SBNO1: variants seen among roughly 807,000 people sequenced by gnomAD.
SBNO1 encodes protein strawberry notch homolog 1.
Under a neutral mutation model 173.6 loss-of-function variants are expected in SBNO1, and 23 were observed. The observed-to-expected ratio is 0.13, with a 90% confidence interval of 0.10 to 0.19. The LOEUF (loss-of-function observed/expected upper bound fraction) is 0.19. Ranked by LOEUF, SBNO1 falls within the 10% of genes least tolerant of loss-of-function variation. The pLI, the probability that SBNO1 is intolerant of heterozygous loss-of-function variation, is 1.00. For synonymous variants in SBNO1, 632 were observed against 571.5 expected (o/e 1.11, Z -1.51); for missense variants, 1,238 against 1,671.2 (o/e 0.74, Z 4.52).
intron 1 of SBNO1, among the ~76,000 whole-genome samples, 155 bp from the exon 2 acceptor site, chr12:123,350,596 A>G (rs1350429084): frequency 1.3e-5 from 2 of 152,244 alleles, no homozygotes; most frequent in African/African-American, 4.8e-5. Flanking sequence ...GATAAAAGAG[A>G]AATAGTCTTG....
chr12:123,363,814 A>T (rs1040369242), intron 1 of SBNO1: 1 of 973,762 alleles, frequency 1.0e-6, no homozygotes, highest in African/African-American at 1.8e-5. Flanking sequence ...GCAAACATTA[A>T]CCAAACAGAA....
In SBNO1 at chr12:123,364,571, G is replaced by A. The variant is rs904145620; in HGVS notation, c.-1+130C>T. 1.1e-4 allele frequency: 109 copies of A among 983,942 alleles called. No homozygotes were observed. The Middle Eastern group carries it at 3.1e-3, about 28-fold the overall frequency. 61.0% of individuals were successfully genotyped at this position (983,942 alleles called of 1,614,324 possible). The stretch of plus-strand genomic sequence containing the variant: ...GGCCGCGAGGAGCGGCAAGCGGCGA[G>A]GGAGGCCCCAAGCCGGGGCGAGGTG... On this transcript the variant is annotated intron_variant, in intron 1 of 31. Coordinates refer to ENST00000602398, the MANE Select transcript of SBNO1 (RefSeq NM_001167856.3).
Position 123,328,028 on chromosome 12 carries a change from CT to C in SBNO1, c.1297-2del. 6.2e-7 allele frequency: 1 copy of C among 1,604,766 alleles called. No homozygotes were observed. Among genetic ancestry groups the C allele is most frequent in the Non-Finnish European group, 8.5e-7 (1 of 1,174,370 alleles). On this transcript the variant is annotated splice_acceptor_variant, in intron 10 of 31. Coordinates refer to ENST00000602398, the MANE Select transcript of SBNO1 (RefSeq NM_001167856.3). LOFTEE classifies it high-confidence loss of function. ...CTTTATGACACTCATCAAACACTAT[CT>C]AAATGGAATGAGTTAAGGAATGTAT...
At chr12:123,306,795 C>T (rs949659979) in intron 28 of SBNO1, among the ~76,000 whole-genome samples, 1 of 137,962 alleles carries the variant, frequency 7.2e-6, no homozygotes, top group Admixed American at 7.4e-5. Context: ...AAAATATTAC[C>T]ACTGGGGTAA....
At position 123,323,683 on chromosome 12, in the gene SBNO1, T is replaced by C; in HGVS notation, c.2122A>G (p.Lys708Glu). ...PCKENKIKKR[K>E]GEEITREAKK... Reference sequence around the variant, plus strand: ...TTTTCTTTTTTAAAGTGCTCACCTTTCCGCTTCTTTATTTTATTTTCTTTA... The same window carrying C: ...TTTTCTTTTTTAAAGTGCTCACCTTCCCGCTTCTTTATTTTATTTTCTTTA... Residue 708 changes from lysine (K) to glutamate (E), a missense_variant, in exon 16 of 32, where the codon AAA (lysine) becomes GAA (glutamate). By Grantham distance (56) the Lys-to-Glu change is moderately conservative (BLOSUM62 1). This residue lies in a region of SBNO1 where 81 missense variants were observed against 82.6 expected (regional missense o/e 0.98). Transcript: ENST00000602398. 1 of 1,603,250 alleles carries C rather than the reference T, an allele frequency of 6.2e-7. No individual in the cohort carries two copies. Among genetic ancestry groups the C allele is most frequent in the Non-Finnish European group, 8.5e-7 (1 of 1,176,646 alleles).
At position 123,327,595 on chromosome 12, in the gene SBNO1, AC is replaced by A. The variant is rs1384855846; in HGVS notation, c.1539-17del. 1 of 1,610,656 alleles carries A rather than the reference AC, an allele frequency of 6.2e-7. No homozygotes were observed. ...ACCAACTCCTCTGAATAAAATTAAA[AC>A]ATACAGTAATTACCAATACAGTAGA... On this transcript the variant is annotated splice_polypyrimidine_tract_variant and intron_variant, in intron 12 of 31. Transcript: ENST00000602398.
intron 24 of SBNO1, among the ~76,000 whole-genome samples, chr12:123,313,153 G>A (rs1868804967): frequency 6.6e-6 from 1 of 151,178 alleles, no homozygotes; most frequent in Non-Finnish European, 1.5e-5. Flanking sequence ...AGTGAGCCGA[G>A]ATCATGCCAC....
At position 123,323,741 on chromosome 12, in the gene SBNO1, T is replaced by C; in HGVS notation, c.2064A>G (p.Pro688=). Residue 688 remains proline, a synonymous_variant, in exon 16 of 32, where the codon CCA becomes CCG. Coordinates refer to ENST00000602398, the MANE Select transcript of SBNO1 (RefSeq NM_001167856.3). ...TATCTCTTGGCGAACTGTTGTTACT[T>C]GGAGCTGTCAAATCGATTCCTAGTA... ...YSLLGIDLTA[P]SNNSSPRDSP... is the part of the protein sequence containing the mutation. 1.2e-6 allele frequency: 2 copies of C among 1,613,012 alleles called. No individual in the cohort carries two copies. Among genetic ancestry groups the C allele is most frequent in the Non-Finnish European group, 1.7e-6 (2 of 1,179,566 alleles).
At chr12:123,317,117 C>A (rs1016880719) in intron 21 of SBNO1, 104 bp downstream of exon 21, 1 of 1,184,480 alleles carries the variant, frequency 8.4e-7, no homozygotes, top group Non-Finnish European at 1.2e-6. Flanking sequence ...GAATTACAGG[C>A]GTGAGCCTCT....
chr12:123,350,466 A>T, intron 1 of SBNO1, 25 bp from the exon 2 acceptor site: 1 of 1,549,944 alleles, frequency 6.5e-7, no homozygotes, highest in Non-Finnish European at 8.9e-7. Context: ...ATTAAATATT[A>T]ACATAAAAAA....
rs769087095 is a variant in SBNO1 at position 123,348,079 on chromosome 12, C to T, written c.187G>A (p.Val63Ile). 7 of 1,612,050 alleles carry T rather than the reference C, an allele frequency of 4.3e-6. No homozygotes were observed. Among genetic ancestry groups the T allele is most frequent in the Non-Finnish European group, 5.9e-6 (7 of 1,178,514 alleles). ...LGLETEAAVPVKQEPETVPTP... is the reference protein window; with the variant it reads ...LGLETEAAVPIKQEPETVPTP... Reference sequence around the variant, plus strand: ...GGTACAGTCTCTGGTTCTTGTTTAACAGGAACTGCTGCTTCGGTCTCCAAA... The same window carrying T: ...GGTACAGTCTCTGGTTCTTGTTTAATAGGAACTGCTGCTTCGGTCTCCAAA... The change falls in exon 3 of 32, where the codon GTT becomes ATT. Residue 63 changes from valine (V) to isoleucine (I), a missense_variant. Around this residue, in one of 14 missense-constraint regions of SBNO1, gnomAD observed 287 missense variants for 274.1 expected, o/e 1.05. Coordinates refer to ENST00000602398, the MANE Select transcript of SBNO1 (RefSeq NM_001167856.3).
intron 2 of SBNO1, among the ~76,000 whole-genome samples, 200 bp from the exon 3 acceptor site, chr12:123,348,333 A>G (rs772003804): frequency 2.6e-5 from 4 of 152,216 alleles, no homozygotes; most frequent in Non-Finnish European, 5.9e-5. Context: ...TTTTTAAAAC[A>G]TTTTTGTAGG....
At chr12:123,312,783 A>G (rs2138932625) in intron 24 of SBNO1, among the ~76,000 whole-genome samples, 1 of 152,098 alleles carries the variant, frequency 6.6e-6, no homozygotes, top group African/African-American at 2.4e-5. Context: ...TGTATCCATC[A>G]CCCAGTTTAA....
chr12:123,322,418 C>T (rs77317455), intron 16 of SBNO1, among the ~76,000 whole-genome samples: 7,240 of 152,210 alleles, frequency 0.048, 301 homozygotes, highest in East Asian at 0.25. Flanking sequence ...CCTCAGCCTC[C>T]CTTATAGCTG....
chr12:123,297,416 A>T (rs2048643772), intron 31 of SBNO1, among the ~76,000 whole-genome samples: 1 of 147,124 alleles, frequency 6.8e-6, no homozygotes, highest in African/African-American at 2.5e-5. Flanking sequence ...AAAAAAAAAA[A>T]AAAAAATTCC....
chr12:123,293,521 A>C lies in SBNO1; in HGVS notation c.*2387T>G, dbSNP rs1169829604. 1.3e-5 allele frequency: 2 copies of C among 152,152 alleles called. No individual in the cohort carries two copies. The highest frequency in any genetic ancestry group is 2.4e-5 in the African/African-American group (1 of 41,444). The allele number at this position is 152,152 out of a possible 1,614,324, so 9.4% of individuals were successfully genotyped here. On this transcript the variant is annotated 3_prime_UTR_variant, in exon 32 of 32. Coordinates refer to ENST00000602398, the MANE Select transcript of SBNO1 (RefSeq NM_001167856.3). ...TCTGGGTGCTGCACACACCATGACCAGCCTGGGCATGCAGCACCCCAGCTC... is the reference window on the plus strand; with the variant it reads ...TCTGGGTGCTGCACACACCATGACCCGCCTGGGCATGCAGCACCCCAGCTC...
intron 5 of SBNO1, among the ~76,000 whole-genome samples, chr12:123,339,818 C>T (rs1474376006): frequency 1.3e-5 from 2 of 152,004 alleles, no homozygotes; most frequent in African/African-American, 4.8e-5. Flanking sequence ...AACCTCAATT[C>T]AGGACCCTCC....
rs1267928729 is a variant in SBNO1, at chr12:123,289,427, A to G, written c.*6481T>C. On this transcript the variant is annotated 3_prime_UTR_variant, in exon 32 of 32. Coordinates refer to ENST00000602398, the MANE Select transcript of SBNO1 (RefSeq NM_001167856.3). The stretch of plus-strand genomic sequence containing the variant: ...TTCACACACTGATGGACACGCTACA[A>G]CAGGAGCGATAACAAAAGGGAGATT... 2 of 152,278 alleles carry G rather than the reference A, an allele frequency of 1.3e-5. No individual in the cohort carries two copies. Among genetic ancestry groups the G allele is most frequent in the Non-Finnish European group, 2.9e-5 (2 of 68,054 alleles). The allele number at this position is 152,278 out of a possible 1,614,324, so 9.4% of individuals were successfully genotyped here. A position where few individuals can be genotyped will look rare whatever the true frequency, so the allele number is the denominator to read the frequency against.
chr12:123,347,998 A>G, intron 3 of SBNO1, 31 bp downstream of exon 3: 1 of 1,363,208 alleles, frequency 7.3e-7, no homozygotes, highest in East Asian at 2.3e-5. Context: ...AAACTATTTT[A>G]GAAGTAACGA....
Sources: gnomAD v4.1 joint callset for allele counts (sites outside exome capture counted in the v4.1 genomes callset) on GRCh38, gnomAD v4.1.1 for gene constraint, gnomAD v4.1.1 regional missense constraint, MANE v1.5 for transcripts, NCBI Gene and HGNC (gene_info 2026-07-23, HGNC 2026-07-21) for gene names.